PHACTR4: variants seen among roughly 807,000 people sequenced by gnomAD.
PHACTR4 encodes protein phosphatase 1, regulatory subunit 124.
A neutral mutation model predicts 72.7 loss-of-function variants in PHACTR4; 51 were observed. That is an observed-to-expected ratio of 0.70 (90% CI 0.56 to 0.89). The LOEUF (loss-of-function observed/expected upper bound fraction) is 0.89. Ranked by LOEUF, PHACTR4 falls within the 40% of genes least tolerant of loss-of-function variation. The probability of loss-of-function intolerance (pLI) is 0.00; values close to 1 mark genes in which losing one functional copy is unlikely to be tolerated. For synonymous variants in PHACTR4, 255 were observed against 302.5 expected (o/e 0.84, Z 1.63); for missense variants, 731 against 861.8 (o/e 0.85, Z 1.90).
At chr1:28,480,788 G>A (rs1351661681) in intron 9 of PHACTR4, among the ~76,000 whole-genome samples, 184 bp downstream of exon 9, 1 of 151,300 alleles carries the variant, frequency 6.6e-6, no homozygotes, top group Non-Finnish European at 1.5e-5. Context: ...TCCCAGGTTC[G>A]AGCAATTCTC....
intron 1 of PHACTR4, among the ~76,000 whole-genome samples, chr1:28,372,134 C>T (rs1651296611): frequency 1.3e-5 from 2 of 151,662 alleles, no homozygotes; most frequent in African/African-American, 2.4e-5. Flanking sequence ...ATTTACCTGC[C>T]TCCGCCTCCC....
intron 10 of PHACTR4, 141 bp downstream of exon 10, chr1:28,489,366 A>G (rs770547961): frequency 3.2e-5 from 21 of 655,586 alleles, no homozygotes; most frequent in Non-Finnish European, 5.1e-5. Context: ...TTATTTCCCC[A>G]TGAAGGAACA....
intron 4 of PHACTR4, among the ~76,000 whole-genome samples, chr1:28,460,989 A>C (rs988431226): frequency 5.9e-5 from 9 of 152,118 alleles, no homozygotes; most frequent in African/African-American, 2.2e-4. Context: ...ATATCACTGC[A>C]CCAGTCTACC....
At position 28,462,571 on chromosome 1, in the gene PHACTR4, G is replaced by C. The variant is rs181530200; in HGVS notation, c.271+2279G>C. ...TTAATAGACAGGGTTTCACCGTTTT[G>C]GCCAGGCTGGTCTCAAACTCCTGAG... On this transcript the variant is annotated intron_variant, in intron 4 of 13. Transcript: ENST00000373839. Among the ~76,000 whole-genome samples the C allele has an allele frequency of 6.5e-3, 981 of 152,068 alleles. 40 individuals carry two copies. Among genetic ancestry groups the C allele is most frequent in the Admixed American group, 0.06 (911 of 15,230 alleles).
At chr1:28,438,912 C>T (rs891037564) in intron 2 of PHACTR4, among the ~76,000 whole-genome samples, 2 of 152,182 alleles carry the variant, frequency 1.3e-5, no homozygotes, top group Admixed American at 1.3e-4. Flanking sequence ...TTCCATTGCA[C>T]TAGTGTTTCC....
At chr1:28,416,189 A>G (rs1655094492) in intron 2 of PHACTR4, among the ~76,000 whole-genome samples, 1 of 152,326 alleles carries the variant, frequency 6.6e-6, no homozygotes, top group East Asian at 1.9e-4. Flanking sequence ...CCAGTATTAC[A>G]TGATGCCAAA....
intron 4 of PHACTR4, among the ~76,000 whole-genome samples, chr1:28,462,882 T>C (rs1443157694): frequency 1.3e-5 from 2 of 152,142 alleles, no homozygotes; most frequent in Non-Finnish European, 2.9e-5. Context: ...GTTTGAACCT[T>C]GAAGTCCTCT....
At chr1:28,476,924 C>CTAGG (rs1418780240) in intron 8 of PHACTR4, among the ~76,000 whole-genome samples, 6 of 150,580 alleles carry the variant, frequency 4.0e-5, no homozygotes, top group East Asian at 1.9e-4. Context: ...GCATGTGCCA[C>CTAGG]CACACCTGGC....
intron 9 of PHACTR4, among the ~76,000 whole-genome samples, chr1:28,485,276 G>C (rs1197612894): frequency 2.6e-5 from 4 of 152,152 alleles, no homozygotes; most frequent in Non-Finnish European, 4.4e-5. Context: ...GAGATCCACT[G>C]TACAACATTG....
At chr1:28,466,249 T>TG (rs1352057429) in intron 5 of PHACTR4, 133 bp from the exon 6 acceptor site, 4 of 1,035,110 alleles carry the variant, frequency 3.9e-6, no homozygotes, top group Admixed American at 2.4e-5. Flanking sequence ...TGGGAGGCAT[T>TG]GAGAATGGTA....
intron 1 of PHACTR4, among the ~76,000 whole-genome samples, chr1:28,399,935 C>G (rs559259799): frequency 1.5e-4 from 23 of 152,216 alleles, no homozygotes; most frequent in African/African-American, 5.5e-4. Context: ...CAACTGCAAA[C>G]CCTAGGGTAA....
intron 8 of PHACTR4, among the ~76,000 whole-genome samples, chr1:28,478,491 G>A (rs1216845824): frequency 2.0e-5 from 3 of 152,258 alleles, no homozygotes; most frequent in Non-Finnish European, 2.9e-5. Context: ...GAGTGCAGAG[G>A]CACGATCTCA....
chr1:28,491,025 G>C lies in PHACTR4; in HGVS notation c.1878+13G>C, dbSNP rs750835803. 1 of 1,609,036 alleles carries C rather than the reference G, an allele frequency of 6.2e-7. No homozygotes were observed. The highest frequency in any genetic ancestry group is 8.5e-7 in the Non-Finnish European group (1 of 1,175,600). On this transcript the variant is annotated intron_variant, in intron 11 of 13. Transcript: ENST00000373839. ...GCTCACTAGAAAGGTACTACTGCCT[G>C]TGTGTTCAGTTAACTATATGTGTTA...
intron 2 of PHACTR4, among the ~76,000 whole-genome samples, chr1:28,437,585 A>G (rs902536757): frequency 2.0e-5 from 3 of 152,194 alleles, no homozygotes; most frequent in Non-Finnish European, 4.4e-5. Context: ...TCAAGGTGCC[A>G]GGAGACTGGG....
chr1:28,429,481 A>G (rs1429730855), intron 2 of PHACTR4, among the ~76,000 whole-genome samples: 1 of 152,098 alleles, frequency 6.6e-6, no homozygotes, highest in Non-Finnish European at 1.5e-5. Context: ...CCACTGTTGG[A>G]GGTCGGAAGA....
At chr1:28,482,485 G>A (rs1162215101) in intron 9 of PHACTR4, among the ~76,000 whole-genome samples, 3 of 152,202 alleles carry the variant, frequency 2.0e-5, no homozygotes, top group Admixed American at 6.5e-5. Flanking sequence ...ATGTAACAGT[G>A]TAAGAATCCA....
chr1:28,391,898 C>G (rs776487979), intron 1 of PHACTR4, among the ~76,000 whole-genome samples: 1 of 151,962 alleles, frequency 6.6e-6, no homozygotes, highest in African/African-American at 2.4e-5. Context: ...TGAGCCACCA[C>G]GCCCGGCCAC....
At chr1:28,416,649 GGGATAGGTTGACTAAATGCAT>G (rs1485140115) in intron 2 of PHACTR4, among the ~76,000 whole-genome samples, 1 of 152,142 alleles carries the variant, frequency 6.6e-6, no homozygotes, top group Non-Finnish European at 1.5e-5. Context: ...CATAGCAAGT[GGGATAGGTTGACTAAATGCAT>G]GGACTGGTTT....
At chr1:28,468,479 C>G (rs1293294319) in intron 6 of PHACTR4, among the ~76,000 whole-genome samples, 1 of 152,122 alleles carries the variant, frequency 6.6e-6, no homozygotes, top group Admixed American at 6.6e-5. Context: ...GTAATCCCAG[C>G]TACTCGGGAG....
Sources: gnomAD v4.1 joint callset for allele counts (sites outside exome capture counted in the v4.1 genomes callset) on GRCh38, gnomAD v4.1.1 for gene constraint, MANE v1.5 for transcripts, NCBI Gene and HGNC (gene_info 2026-07-23, HGNC 2026-07-21) for gene names.